Variants in GRID1 observed in about 807,000 individuals in gnomAD.
GRID1 encodes glutamate ionotropic receptor delta type subunit 1, also known as glutamate receptor ionotropic, delta-1.
A neutral mutation model predicts 98.0 loss-of-function variants in GRID1; 28 were observed. That is an observed-to-expected ratio of 0.29 (90% CI 0.21 to 0.39). The LOEUF is 0.39. Ranked by LOEUF, GRID1 falls within the 10% of genes least tolerant of loss-of-function variation. GRID1 has a pLI of 1.00. For missense variants in GRID1, 1,111 were observed against 1,340.5 expected (o/e 0.83, Z 2.67); for synonymous variants, 553 against 538.5 (o/e 1.03, Z -0.37).
chr10:85,663,423 G>GC (rs1413858872), intron 12 of GRID1, among the ~76,000 whole-genome samples: 1 of 152,180 alleles, frequency 6.6e-6, no homozygotes, highest in Non-Finnish European at 1.5e-5. Flanking sequence ...CTCCCTCACA[G>GC]CCCTCAGAAG....
intron 2 of GRID1, among the ~76,000 whole-genome samples, chr10:86,231,485 C>T (rs1054649100): frequency 1.4e-4 from 22 of 152,178 alleles, no homozygotes; most frequent in African/African-American, 5.3e-4. Flanking sequence ...TGCCCTGAGC[C>T]AGGGCATGCT....
rs552302240 is a variant in GRID1, at chr10:86,286,649, A to AGAGGCAGG, written c.235+77284_235+77291dup. 1.6e-4 allele frequency among the ~76,000 whole-genome samples: 24 copies of AGAGGCAGG among 152,352 alleles called. No homozygotes were observed. In the East Asian group the frequency reaches 4.6e-3, roughly 29 times the overall value. ...TCAAGATCCTGGAATCAGGTCAGAT[A>AGAGGCAGG]GAGGCAGGATTTCATCATAGTCCTG... On this transcript the variant is annotated intron_variant, in intron 2 of 15. Coordinates refer to ENST00000327946, the MANE Select transcript of GRID1 (RefSeq NM_017551.3).
intron 4 of GRID1, among the ~76,000 whole-genome samples, chr10:86,038,234 T>C (rs1458519876): frequency 6.6e-6 from 1 of 152,126 alleles, no homozygotes; most frequent in African/African-American, 2.4e-5. Context: ...AGCACACTGA[T>C]ACTCCCACCG....
At chr10:86,158,665 G>T (rs1226892929) in intron 3 of GRID1, among the ~76,000 whole-genome samples, 1 of 152,156 alleles carries the variant, frequency 6.6e-6, no homozygotes, top group Non-Finnish European at 1.5e-5. Context: ...ACATGGCTGA[G>T]AGGTTTGTGT....
intron 2 of GRID1, among the ~76,000 whole-genome samples, chr10:86,345,918 T>C (rs1352713730): frequency 6.6e-6 from 1 of 152,106 alleles, no homozygotes. Flanking sequence ...CTGCCTGGAG[T>C]GCCTGCCTCC....
intron 15 of GRID1, among the ~76,000 whole-genome samples, chr10:85,607,687 G>A (rs1278678331): frequency 1.3e-5 from 2 of 152,140 alleles, no homozygotes; most frequent in Non-Finnish European, 2.9e-5. Flanking sequence ...GGTGCACCGA[G>A]GAATGACTGA....
At chr10:86,158,869 C>T (rs1164388076) in intron 3 of GRID1, among the ~76,000 whole-genome samples, 1 of 152,134 alleles carries the variant, frequency 6.6e-6, no homozygotes, top group Non-Finnish European at 1.5e-5. Context: ...AGCCTTAGTA[C>T]AAAACAAAGA....
intron 4 of GRID1, among the ~76,000 whole-genome samples, chr10:85,954,760 C>A (rs1233504905): frequency 6.6e-6 from 1 of 152,152 alleles, no homozygotes; most frequent in Admixed American, 6.5e-5. Flanking sequence ...CAGATCAAGG[C>A]AGTAAATTAC....
intron 5 of GRID1, among the ~76,000 whole-genome samples, chr10:85,891,702 A>C (rs1841202254): frequency 1.3e-5 from 2 of 152,196 alleles, no homozygotes; most frequent in South Asian, 4.1e-4. Context: ...GCTCCAAAGC[A>C]AGTCTTGAAA....
At chr10:86,235,962 A>G (rs531827061) in intron 2 of GRID1, among the ~76,000 whole-genome samples, 1 of 152,338 alleles carries the variant, frequency 6.6e-6, no homozygotes, top group South Asian at 2.1e-4. Flanking sequence ...TCTTTTTAAT[A>G]AGCTGTCAAA....
At chr10:85,930,305 CTTGCGGTTATTTATAACTACAAAT>C (rs1564629235) in intron 4 of GRID1, among the ~76,000 whole-genome samples, 6 of 141,060 alleles carry the variant, frequency 4.3e-5, no homozygotes, top group Non-Finnish European at 6.4e-5. Flanking sequence ...CTACAAATAA[CTTGCGGTTATTTATAACTACAAAT>C]AACTTGTGGT....
rs866029957 is a variant in GRID1, at chr10:85,878,872, A to G, written c.781-9692T>C. On this transcript the variant is annotated intron_variant, in intron 5 of 15. Coordinates refer to ENST00000327946, the MANE Select transcript of GRID1 (RefSeq NM_017551.3). ...CCCATCAGTGTGCTGTATTCAGGAA[A>G]CCCATCTCACGTGCAGAGACACAAA... Among the ~76,000 whole-genome samples, 1,521 of 152,188 alleles carry G rather than the reference A, an allele frequency of 1.0e-2. 27 individuals are homozygous for G. The highest frequency in any genetic ancestry group is 0.035 in the African/African-American group (1,433 of 41,512).
At chr10:86,321,484 A>G (rs1016357112) in intron 2 of GRID1, among the ~76,000 whole-genome samples, 15 of 152,248 alleles carry the variant, frequency 9.9e-5, no homozygotes, top group African/African-American at 3.6e-4. Context: ...AAAAAAGAAG[A>G]AGAATGAGGT....
intron 5 of GRID1, among the ~76,000 whole-genome samples, chr10:85,906,491 T>C (rs1045089387): frequency 2.0e-5 from 3 of 152,098 alleles, no homozygotes; most frequent in African/African-American, 7.2e-5. Context: ...GGAAAGACAA[T>C]ATACTGGCTA....
intron 4 of GRID1, among the ~76,000 whole-genome samples, chr10:86,063,815 G>A (rs538518819): frequency 2.0e-5 from 3 of 152,238 alleles, no homozygotes; most frequent in African/African-American, 7.2e-5. Context: ...CAACTCAGGG[G>A]CCTGTTTTTA....
At chr10:86,194,020 G>A (rs1212298319) in intron 3 of GRID1, among the ~76,000 whole-genome samples, 1 of 152,064 alleles carries the variant, frequency 6.6e-6, no homozygotes, top group Non-Finnish European at 1.5e-5. Flanking sequence ...ACACTTCTCA[G>A]CAAGATGGCA....
intron 2 of GRID1, among the ~76,000 whole-genome samples, chr10:86,312,779 A>G (rs1287557930): frequency 1.3e-5 from 2 of 152,248 alleles, no homozygotes; most frequent in Non-Finnish European, 2.9e-5. Context: ...ACTGCAGTGA[A>G]CAGAGCCTGG....
intron 4 of GRID1, among the ~76,000 whole-genome samples, chr10:86,073,486 T>A (rs1202761134): frequency 6.6e-6 from 1 of 152,188 alleles, no homozygotes; most frequent in Admixed American, 6.5e-5. Context: ...GTCTGGTGGG[T>A]TCCCTGGGGG....
At chr10:85,911,524 C>T (rs1235947353) in intron 5 of GRID1, among the ~76,000 whole-genome samples, 3 of 152,102 alleles carry the variant, frequency 2.0e-5, no homozygotes, top group African/African-American at 4.8e-5. Context: ...CGCTGCTGAC[C>T]CACAGATCAC....
Sources: allele counts gnomAD v4.1 joint callset (sites outside exome capture counted in the v4.1 genomes callset), GRCh38; gene constraint gnomAD v4.1.1; transcripts MANE v1.5; gene names NCBI Gene and HGNC (gene_info 2026-07-23, HGNC 2026-07-21).